The following PPA2 variants were observed in gnomAD, a reference collection of about 807,000 sequenced individuals.
The protein encoded by PPA2 is inorganic pyrophosphatase 2, mitochondrial.
In PPA2, 48 loss-of-function variants were observed where a neutral mutation model predicts 49.5. The observed-to-expected ratio is 0.97, with a 90% CI of 0.77 to 1.23. The LOEUF (loss-of-function observed/expected upper bound fraction) is 1.23, where lower values mean the gene tolerates loss of function less well. Among genes scored for constraint, PPA2 ranks in the 50% most tolerant of loss-of-function variants. The pLI, the probability that PPA2 is intolerant of heterozygous loss-of-function variation, is 0.00. For missense variants in PPA2, 429 were observed against 410.1 expected, an observed-to-expected ratio of 1.05 and a Z score of -0.40; for synonymous variants, 131 against 139.9, an observed-to-expected ratio of 0.94 and a Z score of 0.45.
chr4:105,426,606 C>A (rs1400816820), intron 6 of PPA2, among the ~76,000 whole-genome samples: 1 of 152,232 alleles, frequency 6.6e-6, no homozygotes, highest in African/African-American at 2.4e-5. Flanking sequence ...TGAGATCAAC[C>A]TGGGATGTGG....
At chr4:105,372,516 A>T (rs960057445) in intron 10 of PPA2, among the ~76,000 whole-genome samples, 1 of 152,220 alleles carries the variant, frequency 6.6e-6, no homozygotes, top group African/African-American at 2.4e-5. Flanking sequence ...TAAACCAGTG[A>T]ACTCTGAATA....
At chr4:105,394,253 G>T (rs1734041005) in intron 9 of PPA2, among the ~76,000 whole-genome samples, 1 of 151,736 alleles carries the variant, frequency 6.6e-6, no homozygotes, top group Admixed American at 6.6e-5. Flanking sequence ...TGTAATCCCA[G>T]CTACTTGAGA....
rs1362180742 is a variant in PPA2, at chr4:105,456,802, C to G, written c.158-57G>C. On this transcript the variant is annotated intron_variant, in intron 1 of 11. Coordinates refer to ENST00000341695, the MANE Select transcript of PPA2 (RefSeq NM_176869.3). ...GAATTAAAGCAATAGACACATTGTTCTATACAGCAATAATAAACATCCTTA... is the reference window on the plus strand; with the variant it reads ...GAATTAAAGCAATAGACACATTGTTGTATACAGCAATAATAAACATCCTTA... 8 of 1,362,726 alleles carry G rather than the reference C, an allele frequency of 5.9e-6. No individual in the cohort carries two copies. The Admixed American group carries it at 8.2e-5, about 14-fold the overall frequency. The allele number at this position is 1,362,726 out of a possible 1,614,324, so 84.4% of individuals were successfully genotyped here.
chr4:105,446,524 G>A (rs1463426680), intron 4 of PPA2, 22 bp from the exon 5 acceptor site: 1 of 1,593,046 alleles, frequency 6.3e-7, no homozygotes, highest in East Asian at 2.3e-5. Flanking sequence ...ACAGAAGGAA[G>A]AAAAGGAGAT....
chr4:105,382,982 G>A (rs994331227), intron 10 of PPA2, among the ~76,000 whole-genome samples: 2 of 147,248 alleles, frequency 1.4e-5, no homozygotes, highest in Non-Finnish European at 3.0e-5. Flanking sequence ...TAGCCTGGGC[G>A]GCAGAGCAAG....
chr4:105,415,472 G>A (rs1377786501), intron 7 of PPA2, among the ~76,000 whole-genome samples: 4 of 152,206 alleles, frequency 2.6e-5, no homozygotes, highest in Non-Finnish European at 5.9e-5. Context: ...ACCCAGGATC[G>A]GCCTCGACTT....
intron 3 of PPA2, among the ~76,000 whole-genome samples, chr4:105,450,884 G>A (rs1407190951): frequency 6.6e-6 from 1 of 152,174 alleles, no homozygotes; most frequent in Non-Finnish European, 1.5e-5. Context: ...TGGGATTACA[G>A]GCGTGAGCCA....
chr4:105,469,029 T>C (rs1231499829), intron 1 of PPA2, among the ~76,000 whole-genome samples: 4 of 152,212 alleles, frequency 2.6e-5, no homozygotes, highest in East Asian at 3.8e-4. Context: ...CATATCTCCA[T>C]TGGTTTTTTA....
chr4:105,393,116 A>G (rs1733990141), intron 9 of PPA2, among the ~76,000 whole-genome samples: 1 of 152,198 alleles, frequency 6.6e-6, no homozygotes, highest in African/African-American at 2.4e-5. Flanking sequence ...ATAGGAGACA[A>G]GAAGTGATGG....
chr4:105,393,981 T>C (rs1734030059), intron 9 of PPA2, among the ~76,000 whole-genome samples: 1 of 152,198 alleles, frequency 6.6e-6, no homozygotes, highest in South Asian at 2.1e-4. Flanking sequence ...ATGATACATA[T>C]ACTGAAACTT....
chr4:105,380,901 G>A (rs1733462894), intron 10 of PPA2, among the ~76,000 whole-genome samples: 1 of 152,054 alleles, frequency 6.6e-6, no homozygotes, highest in South Asian at 2.1e-4. Flanking sequence ...TCTGTAAGAT[G>A]TGTACCTAGA....
intron 7 of PPA2, among the ~76,000 whole-genome samples, chr4:105,400,711 T>C (rs754430251): frequency 1.3e-5 from 2 of 152,168 alleles, no homozygotes; most frequent in Non-Finnish European, 1.5e-5. Flanking sequence ...GTATATAACT[T>C]TTACAAATCA....
At chr4:105,454,416 T>C (rs9685855) in intron 2 of PPA2, among the ~76,000 whole-genome samples, 14,759 of 151,922 alleles carry the variant, frequency 0.097, 1,518 homozygotes, top group African/African-American at 0.26. Context: ...CTGCAAGCTC[T>C]GCCTCCTGGG....
At chr4:105,423,193 GCACTT>G (rs983864336) in intron 7 of PPA2, 1 of 152,032 alleles carries the variant, frequency 6.6e-6, no homozygotes, top group Admixed American at 6.6e-5. Flanking sequence ...GAGGTTACAT[GCACTT>G]CACGCTATCA....
chr4:105,382,297 AT>A (rs1733521008), intron 10 of PPA2, among the ~76,000 whole-genome samples: 1 of 152,166 alleles, frequency 6.6e-6, no homozygotes, highest in Admixed American at 6.5e-5. Flanking sequence ...GTGGCCTAAT[AT>A]CTACTCAATT....
rs372858874 is a variant in PPA2, at chr4:105,417,285, A to G, written c.655+6911T>C. 2.6e-5 allele frequency among the ~76,000 whole-genome samples: 4 copies of G among 152,294 alleles called. No individual in the cohort carries two copies. The South Asian group carries it at 6.2e-4, about 24-fold the overall frequency. On this transcript the variant is annotated intron_variant, in intron 7 of 11. Transcript: ENST00000341695. ...TTAAACTGGGTTTCCCACAGCACTAACTTTGAAGATAATTTAGGTCTTTTT... is the reference window on the plus strand; with the variant it reads ...TTAAACTGGGTTTCCCACAGCACTAGCTTTGAAGATAATTTAGGTCTTTTT...
intron 2 of PPA2, among the ~76,000 whole-genome samples, chr4:105,454,549 T>C (rs1722805715): frequency 6.6e-6 from 1 of 152,190 alleles, no homozygotes; most frequent in African/African-American, 2.4e-5. Context: ...TTAGCCAGGA[T>C]GGTCTTGATC....
intron 7 of PPA2, among the ~76,000 whole-genome samples, chr4:105,423,670 A>G (rs898724401): frequency 2.6e-5 from 4 of 152,210 alleles, no homozygotes; most frequent in Non-Finnish European, 4.4e-5. Context: ...AGCTATTTCC[A>G]GAACTTAAAA....
chr4:105,454,404 C>A (rs1251663131), intron 2 of PPA2, among the ~76,000 whole-genome samples: 1 of 152,074 alleles, frequency 6.6e-6, no homozygotes, highest in Non-Finnish European at 1.5e-5. Context: ...AATCTTGGCT[C>A]ACTGCAAGCT....
Sources: allele counts gnomAD v4.1 joint callset (sites outside exome capture counted in the v4.1 genomes callset), GRCh38; gene constraint gnomAD v4.1.1; transcripts MANE v1.5; gene names NCBI Gene and HGNC (gene_info 2026-07-23, HGNC 2026-07-21).